The following SGCD variants were observed in gnomAD, a reference collection of about 807,000 sequenced individuals.
The protein encoded by SGCD is sarcoglycan delta.
SGCD carries 18 observed loss-of-function variants against 36.6 expected under a neutral mutation model. The ratio of observed to expected loss-of-function variants is 0.49; its 90% confidence interval spans 0.34 to 0.73. SGCD has a LOEUF of 0.73. SGCD is among the 30% of genes least tolerant of loss of function. The pLI is 0.01. For synonymous variants in SGCD, 133 were observed against 130.6 expected (o/e 1.02, Z -0.12); for missense variants, 387 against 346.7 (o/e 1.12, Z -0.92).
chr5:156,700,638 T>A (rs1754491190), intron 7 of SGCD, among the ~76,000 whole-genome samples: 1 of 152,036 alleles, frequency 6.6e-6, no homozygotes, highest in Admixed American at 6.6e-5. Context: ...TAAAATATAT[T>A]CTCATCCCCT....
intron 1 of SGCD, among the ~76,000 whole-genome samples, chr5:155,948,344 G>T (rs1043636897): frequency 6.6e-6 from 1 of 152,098 alleles, no homozygotes; most frequent in African/African-American, 2.4e-5. Flanking sequence ...CTCCCAGTAG[G>T]TACTCAACAT....
chr5:156,695,284 G>A (rs984435279), intron 7 of SGCD, among the ~76,000 whole-genome samples: 5 of 152,198 alleles, frequency 3.3e-5, no homozygotes, highest in Non-Finnish European at 7.4e-5. Context: ...TAGACTTTGA[G>A]TAAAGCAGAT....
chr5:156,540,928 A>C (rs1435659884), intron 4 of SGCD, among the ~76,000 whole-genome samples: 2 of 152,168 alleles, frequency 1.3e-5, no homozygotes, highest in East Asian at 3.9e-4. Context: ...GGAGTTAATA[A>C]TCTAGTGGAG....
intron 7 of SGCD, among the ~76,000 whole-genome samples, chr5:156,723,319 C>T (rs1044570914): frequency 2.0e-5 from 3 of 152,312 alleles, no homozygotes; most frequent in East Asian, 3.9e-4. Flanking sequence ...TGGCTGCAGG[C>T]TCCAATCTTT....
intron 1 of SGCD, among the ~76,000 whole-genome samples, chr5:156,025,679 TG>T (rs1759212326): frequency 6.6e-6 from 1 of 152,198 alleles, no homozygotes; most frequent in Non-Finnish European, 1.5e-5. Flanking sequence ...CTAATCCCCT[TG>T]GTGGTATTAT....
At chr5:156,601,640 AT>A (rs1466186216) in intron 6 of SGCD, among the ~76,000 whole-genome samples, 1 of 151,634 alleles carries the variant, frequency 6.6e-6, no homozygotes, top group Non-Finnish European at 1.5e-5. Context: ...GAATTTTAGA[AT>A]TTTTTTCCTA....
chr5:156,468,852 C>T (rs145483541), intron 3 of SGCD, among the ~76,000 whole-genome samples: 5 of 152,172 alleles, frequency 3.3e-5, no homozygotes, highest in East Asian at 3.9e-4. Context: ...ACTAGCCAGG[C>T]GTGATGGCAC....
At position 156,140,815 on chromosome 5, in the gene SGCD, A is replaced by G. The variant is rs1412283783; in HGVS notation, c.-44+16796A>G. ...GGCCAAGTGACCCTTTGATAAGAAG[A>G]TTAGTATGGATAGAAGTTAGCCCCA... On this transcript the variant is annotated intron_variant, in intron 3 of 9. Transcript: ENST00000517913. 2.0e-5 allele frequency among the ~76,000 whole-genome samples: 3 copies of G among 152,338 alleles called. No homozygotes were observed. The East Asian group carries it at 5.8e-4, about 29-fold the overall frequency.
chr5:155,901,316 G>GA (rs11396332), intron 1 of SGCD, among the ~76,000 whole-genome samples: 47,407 of 137,896 alleles, frequency 0.34, 8,672 homozygotes, highest in African/African-American at 0.49. Flanking sequence ...CCATCTCAGA[G>GA]AAAAAAAAAA....
intron 3 of SGCD, among the ~76,000 whole-genome samples, chr5:156,454,841 G>A (rs1000103797): frequency 2.6e-5 from 4 of 152,162 alleles, no homozygotes; most frequent in African/African-American, 4.8e-5. Context: ...GTCAGGCAAA[G>A]CAAAGGTTGT....
At position 156,459,303 on chromosome 5, in the gene SGCD, G is replaced by A. The variant is rs375086353; in HGVS notation, c.193-49298G>A. Among the ~76,000 whole-genome samples the A allele has an allele frequency of 1.6e-4, 24 of 152,308 alleles. No homozygotes were observed. The South Asian group carries it at 5.0e-3, about 32-fold the overall frequency. On this transcript the variant is annotated intron_variant, in intron 3 of 8. Coordinates refer to ENST00000337851, the MANE Select transcript of SGCD (RefSeq NM_000337.6). Reference sequence around the variant, plus strand: ...TGTTCAATGTTCTAGAAGAAAGCTTGTAGTCTAAGTGGAGAGTTAATAGTC... The same window carrying A: ...TGTTCAATGTTCTAGAAGAAAGCTTATAGTCTAAGTGGAGAGTTAATAGTC...
chr5:155,820,769 C>T, the SGCD span, among the ~76,000 whole-genome samples: 1,378 of 152,244 alleles, frequency 9.1e-3, 13 homozygotes, highest in Non-Finnish European at 0.016. Flanking sequence ...CCTACAGATA[C>T]AAGAGTTGTG....
intron 3 of SGCD, among the ~76,000 whole-genome samples, chr5:156,359,410 A>T (rs1353986152): frequency 6.6e-6 from 1 of 152,192 alleles, no homozygotes; most frequent in Non-Finnish European, 1.5e-5. Context: ...CTTAACATAG[A>T]ACATATTATC....
At chr5:156,353,343 G>C (rs1340766344) in intron 3 of SGCD, among the ~76,000 whole-genome samples, 1 of 152,132 alleles carries the variant, frequency 6.6e-6, no homozygotes, top group African/African-American at 2.4e-5. Context: ...ATTTATTAAG[G>C]TAGATCATAA....
chr5:156,070,378 A>G (rs1268639322), intron 1 of SGCD, among the ~76,000 whole-genome samples: 8 of 149,968 alleles, frequency 5.3e-5, no homozygotes, highest in East Asian at 1.9e-4. Context: ...TTCTGCATCT[A>G]TTGAGATCAT....
At chr5:156,536,736 T>C (rs750515371) in intron 4 of SGCD, among the ~76,000 whole-genome samples, 1 of 152,172 alleles carries the variant, frequency 6.6e-6, no homozygotes, top group African/African-American at 2.4e-5. Flanking sequence ...GGTGGCTCAT[T>C]AAGAGACAAA....
chr5:156,040,966 CA>C (rs1310867607), intron 1 of SGCD, among the ~76,000 whole-genome samples: 2 of 151,928 alleles, frequency 1.3e-5, no homozygotes, highest in Non-Finnish European at 2.9e-5. Flanking sequence ...AATCTCAATT[CA>C]AAAAAAGTAA....
At chr5:156,560,214 A>G (rs1283202779) in intron 4 of SGCD, among the ~76,000 whole-genome samples, 1 of 152,206 alleles carries the variant, frequency 6.6e-6, no homozygotes, top group Admixed American at 6.5e-5. Flanking sequence ...TTCCTCTTAC[A>G]TCTCTTAATA....
At chr5:156,714,448 G>A (rs147216110) in intron 7 of SGCD, among the ~76,000 whole-genome samples, 1 of 152,306 alleles carries the variant, frequency 6.6e-6, no homozygotes, top group African/African-American at 2.4e-5. Flanking sequence ...ATGAGGTACA[G>A]TCCTGTTGGC....
Sources: gnomAD v4.1 joint callset for allele counts (sites outside exome capture counted in the v4.1 genomes callset) on GRCh38, gnomAD v4.1.1 for gene constraint, MANE v1.5 for transcripts, NCBI Gene and HGNC (gene_info 2026-07-23, HGNC 2026-07-21) for gene names.